Variants in FNIP1 observed in about 807,000 individuals in gnomAD.
FNIP1 encodes the protein folliculin interacting protein 1, also known as folliculin-interacting protein 1.
A neutral mutation model predicts 124.5 loss-of-function variants in FNIP1; 40 were observed. The observed-to-expected ratio is 0.32, with a 90% CI of 0.25 to 0.42. The LOEUF (loss-of-function observed/expected upper bound fraction) is 0.42, where lower values mean the gene tolerates loss of function less well. Ranked by LOEUF, FNIP1 falls within the 10% of genes least tolerant of loss-of-function variation. The pLI is 1.00. For synonymous variants in FNIP1, 472 were observed against 470.6 expected, an observed-to-expected ratio of 1.00 and a Z score of -0.04; for missense variants, 1,176 against 1,403.7, an observed-to-expected ratio of 0.84 and a Z score of 2.59.
chr5:131,652,160 A>G (rs191889899), intron 15 of FNIP1, among the ~76,000 whole-genome samples, 161 bp from the exon 16 acceptor site: 1 of 152,328 alleles, frequency 6.6e-6, no homozygotes, highest in Non-Finnish European at 1.5e-5. Context: ...CTCATTAACA[A>G]ATACCCTGAG....
At chr5:131,731,653 C>CA (rs542196787) in intron 2 of FNIP1, among the ~76,000 whole-genome samples, 406 of 146,640 alleles carry the variant, frequency 2.8e-3, no homozygotes, top group African/African-American at 7.5e-3. Context: ...AAAAAAAAAA[C>CA]AAAAAAAAAC....
At chr5:131,782,509 G>C (rs1261004466) in intron 1 of FNIP1, among the ~76,000 whole-genome samples, 2 of 151,938 alleles carry the variant, frequency 1.3e-5, no homozygotes, top group African/African-American at 4.8e-5. Flanking sequence ...AGGTTACAGT[G>C]AGCCAAGATT....
In FNIP1 at chr5:131,642,398, T is replaced by C. The variant is rs765151299; in HGVS notation, c.*2287A>G. The C allele has an allele frequency of 1.3e-5, 2 of 152,316 alleles. No homozygotes were observed. Among genetic ancestry groups the C allele is most frequent in the African/African-American group, 2.4e-5 (1 of 41,436 alleles). The allele number at this position is 152,316 out of a possible 1,614,324, so 9.4% of individuals were successfully genotyped here. A position where few individuals can be genotyped will look rare whatever the true frequency, so the allele number is the denominator to read the frequency against. On this transcript the variant is annotated 3_prime_UTR_variant, in exon 18 of 18. Transcript: ENST00000510461. ...GGATTAATGATTCTTTAAGAAACTATAGGTCATTTCCTTCCCAGCAAAGCT... is the reference window on the plus strand; with the variant it reads ...GGATTAATGATTCTTTAAGAAACTACAGGTCATTTCCTTCCCAGCAAAGCT...
chr5:131,746,680 T>C (rs938662926), intron 1 of FNIP1, among the ~76,000 whole-genome samples: 5 of 152,226 alleles, frequency 3.3e-5, no homozygotes, highest in Non-Finnish European at 5.9e-5. Flanking sequence ...CCACCACTGA[T>C]GGGACCCTCC....
chr5:131,730,796 G>T, intron 3 of FNIP1, 108 bp downstream of exon 3: 1 of 815,504 alleles, frequency 1.2e-6, no homozygotes, highest in Non-Finnish European at 1.8e-6. Flanking sequence ...TTCAATGCAA[G>T]CTCTAGGAAG....
intron 5 of FNIP1, among the ~76,000 whole-genome samples, chr5:131,717,190 A>G (rs1039817725): frequency 4.8e-5 from 6 of 126,174 alleles, no homozygotes; most frequent in Non-Finnish European, 8.0e-5. Context: ...TCCTGTGTCC[A>G]TGTGTTCTCA....
chr5:131,775,528 CT>C (rs1257237137), intron 1 of FNIP1, among the ~76,000 whole-genome samples: 3,162 of 136,214 alleles, frequency 0.023, 52 homozygotes, highest in African/African-American at 0.057. Flanking sequence ...ATTATATATA[CT>C]TTTTTTTTTT....
At chr5:131,700,506 C>T (rs574360822) in intron 10 of FNIP1, among the ~76,000 whole-genome samples, 2 of 152,174 alleles carry the variant, frequency 1.3e-5, no homozygotes, top group East Asian at 1.9e-4. Context: ...AAATCATGTT[C>T]CTGTACACCC....
chr5:131,691,058 T>A (rs999830430), intron 11 of FNIP1, among the ~76,000 whole-genome samples: 8 of 152,144 alleles, frequency 5.3e-5, no homozygotes, highest in Non-Finnish European at 1.2e-4. Flanking sequence ...GAATACACAA[T>A]CTTCCCATGC....
chr5:131,756,282 A>G (rs1771049844), intron 1 of FNIP1, among the ~76,000 whole-genome samples: 1 of 152,158 alleles, frequency 6.6e-6, no homozygotes, highest in Non-Finnish European at 1.5e-5. Flanking sequence ...ATAACCAACC[A>G]TCTAAACTGA....
intron 11 of FNIP1, among the ~76,000 whole-genome samples, chr5:131,687,826 C>T (rs1292182452): frequency 6.6e-6 from 1 of 152,162 alleles, no homozygotes; most frequent in African/African-American, 2.4e-5. Context: ...GACCTCCCCA[C>T]TTTCATGGGA....
At chr5:131,719,282 G>C (rs995564060) in intron 4 of FNIP1, 35 bp downstream of exon 4, 1 of 1,561,896 alleles carries the variant, frequency 6.4e-7, no homozygotes, top group Admixed American at 2.0e-5. Flanking sequence ...ATCTAAAAAT[G>C]GGACTCGTTA....
chr5:131,748,779 A>G (rs760723293), intron 1 of FNIP1, among the ~76,000 whole-genome samples: 5 of 152,012 alleles, frequency 3.3e-5, no homozygotes, highest in Admixed American at 3.3e-4. Context: ...TTTAAAGTGT[A>G]CCCCTACTTA....
chr5:131,691,298 A>C (rs1173215341), intron 11 of FNIP1, among the ~76,000 whole-genome samples: 1 of 152,240 alleles, frequency 6.6e-6, no homozygotes, highest in Admixed American at 6.5e-5. Context: ...ATTTTGAACT[A>C]AATGTGAATT....
intron 11 of FNIP1, among the ~76,000 whole-genome samples, chr5:131,692,230 G>C (rs1359499684): frequency 6.6e-6 from 1 of 152,036 alleles, no homozygotes; most frequent in Non-Finnish European, 1.5e-5. Flanking sequence ...ATATACAAAA[G>C]TCAACTGCTT....
chr5:131,735,910 C>T (rs1580797096), intron 2 of FNIP1, among the ~76,000 whole-genome samples: 1 of 152,090 alleles, frequency 6.6e-6, no homozygotes, highest in East Asian at 1.9e-4. Flanking sequence ...GCTGGGACTA[C>T]AGGCGTATGC....
At chr5:131,733,578 TGA>T (rs1288476248) in intron 2 of FNIP1, among the ~76,000 whole-genome samples, 1 of 152,220 alleles carries the variant, frequency 6.6e-6, no homozygotes, top group African/African-American at 2.4e-5. Context: ...CTGCATCTAT[TGA>T]GATAATCACG....
intron 1 of FNIP1, among the ~76,000 whole-genome samples, chr5:131,791,812 G>A (rs1772413929): frequency 6.6e-6 from 1 of 151,832 alleles, no homozygotes; most frequent in African/African-American, 2.4e-5. Flanking sequence ...TTTTATTAAG[G>A]AATTTCTGTT....
At chr5:131,715,331 CA>C (rs1405484680) in intron 6 of FNIP1, among the ~76,000 whole-genome samples, 1 of 151,982 alleles carries the variant, frequency 6.6e-6, no homozygotes, top group Non-Finnish European at 1.5e-5. Flanking sequence ...ATTAAAAATA[CA>C]AAAATCAGCC....
Sources: gnomAD v4.1 joint callset for allele counts (sites outside exome capture counted in the v4.1 genomes callset) on GRCh38, gnomAD v4.1.1 for gene constraint, MANE v1.5 for transcripts, NCBI Gene and HGNC (gene_info 2026-07-23, HGNC 2026-07-21) for gene names.